SPEN: variants seen among roughly 807,000 people sequenced by gnomAD.
SPEN encodes msx2-interacting protein.
Under a neutral mutation model 269.9 loss-of-function variants are expected in SPEN, and 18 were observed. The ratio of observed to expected loss-of-function variants is 0.07; its 90% CI spans 0.05 to 0.10. The LOEUF (loss-of-function observed/expected upper bound fraction) is 0.10. SPEN is among the 10% of genes least tolerant of loss of function. The pLI is 1.00. For missense variants in SPEN, 3,822 were observed against 4,631.2 expected, an observed-to-expected ratio of 0.83 and a Z score of 5.07; for synonymous variants, 1,726 against 1,765.7, an observed-to-expected ratio of 0.98 and a Z score of 0.56.
intron 1 of SPEN, among the ~76,000 whole-genome samples, chr1:15,860,378 G>GGTGT (rs60005872): frequency 0.08 from 9,653 of 121,092 alleles, 430 homozygotes; most frequent in East Asian, 0.18. Flanking sequence ...TAGCTTCAGA[G>GGTGT]GTGTGTGTGT....
chr1:15,857,711 A>C (rs2070401549), intron 1 of SPEN, among the ~76,000 whole-genome samples: 1 of 150,682 alleles, frequency 6.6e-6, no homozygotes, highest in East Asian at 2.0e-4. Flanking sequence ...CCCAGGTTGG[A>C]GTGTAATGGC....
intron 10 of SPEN, among the ~76,000 whole-genome samples, chr1:15,924,394 A>T (rs1049941126): frequency 6.6e-6 from 1 of 152,156 alleles, no homozygotes; most frequent in African/African-American, 2.4e-5. Flanking sequence ...TTAAAACAGC[A>T]GTTTTGTGTG....
chr1:15,934,812 C>G lies in SPEN; in HGVS notation c.8572C>G (p.Pro2858Ala), dbSNP rs139039213. 3.7e-5 allele frequency: 59 copies of G among 1,614,064 alleles called. No homozygotes were observed. In the South Asian group the frequency reaches 6.3e-4, roughly 17 times the overall value. Residue 2858 changes from proline (P) to alanine (A), a missense_variant, in exon 11 of 15, where the codon CCT becomes GCT. Physicochemically the swap from Pro to Ala is conservative, Grantham distance 27 (BLOSUM62 -1). Coordinates refer to ENST00000375759, the MANE Select transcript of SPEN (RefSeq NM_015001.3). This position sits in a 1 kb window ranked among gnomAD's most constrained non-coding sequence, Gnocchi z 9.2. ...GTCAGTGTCCAAGTCCCAGGTCAAA[C>G]CTGATTCTGTCACAGCATCGCAGCC... ...QQSVSKSQVK[P>A]DSVTASQPPS...
chr1:15,901,330 A>T (rs1045461953), intron 3 of SPEN, among the ~76,000 whole-genome samples: 6 of 151,278 alleles, frequency 4.0e-5, no homozygotes, highest in African/African-American at 1.5e-4. Context: ...AAAAAAATAA[A>T]AAAATAAAAA....
Position 15,929,068 on chromosome 1 carries a change from A to G in SPEN, c.2828A>G (p.Lys943Arg). 6.2e-7 allele frequency: 1 copy of G among 1,614,230 alleles called. No individual in the cohort carries two copies. The highest frequency in any genetic ancestry group is 8.5e-7 in the Non-Finnish European group (1 of 1,180,042). Residue 943 changes from lysine (K) to arginine (R), a missense_variant, in exon 11 of 15, where the codon AAG (lysine) becomes AGG (arginine). Around this residue, in one of 16 missense-constraint regions of SPEN, gnomAD observed 572 missense variants for 582.6 expected, o/e 0.98. Coordinates refer to ENST00000375759, the MANE Select transcript of SPEN (RefSeq NM_015001.3). The surrounding 1 kb of genome is among the most constrained non-coding windows in gnomAD (Gnocchi z 5.8). ...ESVRMKVPKEKGLSSHVEVVE... is the reference protein window; with the variant it reads ...ESVRMKVPKERGLSSHVEVVE... ...GTTAGAATGAAAGTACCAAAGGAAA[A>G]GGGGCTTTCAAGCCATGTTGAAGTG...
intron 3 of SPEN, among the ~76,000 whole-genome samples, chr1:15,884,430 A>G (rs2070717659): frequency 6.6e-6 from 1 of 152,172 alleles, no homozygotes; most frequent in South Asian, 2.1e-4. Flanking sequence ...AAATGCTGTC[A>G]TTTTTGTAGT....
intron 9 of SPEN, 110 bp from the exon 10 acceptor site, chr1:15,922,139 C>T: frequency 1.3e-6 from 1 of 751,328 alleles, no homozygotes; most frequent in South Asian, 1.6e-5. Flanking sequence ...ATTGCTGTTT[C>T]CTGAAATTTT....
At position 15,876,416 on chromosome 1, in the gene SPEN, G is replaced by A; in HGVS notation, c.619G>A (p.Glu207Lys). Residue 207 changes from glutamate to lysine, a missense_variant, in exon 3 of 15, where the codon GAG (glutamate) becomes AAG (lysine). Glu to Lys is a moderately conservative substitution (Grantham distance 56). Coordinates refer to ENST00000375759, the MANE Select transcript of SPEN (RefSeq NM_015001.3). ...CCCCCGATATGAACCTAGGGCTCGC[G>A]AGCAGTTTACACTGCCCAGTGTGGT... ...HDPRYEPRAR[E>K]QFTLPSVVHR... 6.2e-7 allele frequency: 1 copy of A among 1,613,960 alleles called. No individual in the cohort carries two copies. The highest frequency in any genetic ancestry group is 8.5e-7 in the Non-Finnish European group (1 of 1,180,012).
Position 15,876,575 on chromosome 1 carries a change from AGCC to A in SPEN, c.779_781del (p.Ser260_Gln261delinsLys), listed in dbSNP as rs765771113. ...AAATCAGTCTCCTCAGAGACTGGCT[AGCC>A]AAGCATCTAGACCCACAAGGTCCCC... On this transcript the variant is annotated inframe_deletion, in exon 3 of 15. Transcript: ENST00000375759. 6.2e-7 allele frequency: 1 copy of A among 1,614,118 alleles called. No homozygotes were observed. The highest frequency in any genetic ancestry group is 1.7e-5 in the Admixed American group (1 of 60,018).
chr1:15,877,598 G>A (rs188161034), intron 3 of SPEN, among the ~76,000 whole-genome samples: 77 of 152,202 alleles, frequency 5.1e-4, no homozygotes, highest in African/African-American at 1.8e-3. Flanking sequence ...AAAATAGTAA[G>A]TTGAGGGTAA....
chr1:15,922,435 C>T lies in SPEN; in HGVS notation c.1850+86C>T, dbSNP rs1570050976. 8.6e-6 allele frequency: 7 copies of T among 813,352 alleles called. No individual in the cohort carries two copies. In the East Asian group the frequency reaches 1.1e-4, roughly 12 times the overall value. 50.4% of individuals were successfully genotyped at this position (813,352 alleles called of 1,614,324 possible). A position where few individuals can be genotyped will look rare whatever the true frequency, so the allele number is the denominator to read the frequency against. On this transcript the variant is annotated intron_variant, in intron 10 of 14. Transcript: ENST00000375759. Reference sequence around the variant, plus strand: ...AGATGGCATTAAATTTTATTTTTCACTCTTTACCCCTACTTTCATCTTCTA... The same window carrying T: ...AGATGGCATTAAATTTTATTTTTCATTCTTTACCCCTACTTTCATCTTCTA...
chr1:15,920,627 CAGA>C (rs919048302), intron 8 of SPEN, among the ~76,000 whole-genome samples: 7 of 151,764 alleles, frequency 4.6e-5, no homozygotes, highest in Admixed American at 2.6e-4. Flanking sequence ...AAGTAAAATA[CAGA>C]AGAACAAAAT....
intron 3 of SPEN, among the ~76,000 whole-genome samples, chr1:15,895,871 T>C (rs765117271): frequency 6.6e-6 from 1 of 151,478 alleles, no homozygotes. Flanking sequence ...TTTATTAGAG[T>C]TGGGGTTTCT....
intron 10 of SPEN, among the ~76,000 whole-genome samples, chr1:15,925,876 C>T (rs2071161227): frequency 6.6e-6 from 1 of 152,074 alleles, no homozygotes; most frequent in Admixed American, 6.6e-5. Context: ...AATGTGTTCA[C>T]CTTCATGTGG....
chr1:15,866,690 A>G (rs1199693510), intron 1 of SPEN, among the ~76,000 whole-genome samples: 2 of 152,192 alleles, frequency 1.3e-5, no homozygotes, highest in Non-Finnish European at 2.9e-5. Context: ...TCATATATCC[A>G]TTATATATAT....
chr1:15,867,362 C>A (rs988937810), intron 1 of SPEN, among the ~76,000 whole-genome samples: 3 of 152,078 alleles, frequency 2.0e-5, no homozygotes, highest in Admixed American at 6.6e-5. Flanking sequence ...TGCCCTCCCC[C>A]CTTTTATTTT....
At chr1:15,893,689 G>T (rs910934125) in intron 3 of SPEN, among the ~76,000 whole-genome samples, 3 of 151,776 alleles carry the variant, frequency 2.0e-5, no homozygotes, top group African/African-American at 7.3e-5. Context: ...TTGAAAAAAG[G>T]CCAGTACACT....
At chr1:15,856,637 G>A (rs981587143) in intron 1 of SPEN, among the ~76,000 whole-genome samples, 84 of 145,118 alleles carry the variant, frequency 5.8e-4, no homozygotes, top group Non-Finnish European at 1.6e-4. Flanking sequence ...GCATGATCTC[G>A]GCTCACTGCA....
At chr1:15,852,659 G>A (rs1291042847) in intron 1 of SPEN, among the ~76,000 whole-genome samples, 1 of 151,954 alleles carries the variant, frequency 6.6e-6, no homozygotes, top group South Asian at 2.1e-4. Flanking sequence ...TGTATTGTGT[G>A]GTATACTTAT....
Sources: allele counts gnomAD v4.1 joint callset (sites outside exome capture counted in the v4.1 genomes callset), GRCh38; gene constraint gnomAD v4.1.1; regional missense constraint gnomAD v4.1.1; non-coding constraint Gnocchi (gnomAD v3.1); transcripts MANE v1.5; gene names NCBI Gene and HGNC (gene_info 2026-07-23, HGNC 2026-07-21).